The following RAD51B variants were observed in gnomAD, a reference collection of about 807,000 sequenced individuals.
RAD51B encodes RAD51 paralog B.
Under a neutral mutation model 42.2 loss-of-function variants are expected in RAD51B, and 38 were observed. The observed-to-expected ratio is 0.90, with a 90% CI of 0.70 to 1.18. The LOEUF (loss-of-function observed/expected upper bound fraction) is 1.18, where lower values mean the gene tolerates loss of function less well. Ranked by LOEUF, RAD51B falls within the 50% of genes most tolerant of loss-of-function variation. The probability of loss-of-function intolerance (pLI) is 0.00; values close to 1 mark genes in which losing one functional copy is unlikely to be tolerated. For synonymous variants in RAD51B, 154 were observed against 145.2 expected (o/e 1.06, Z -0.43); for missense variants, 373 against 400.7 (o/e 0.93, Z 0.59).
At chr14:68,532,981 A>C (rs1887405917) in intron 10 of RAD51B, among the ~76,000 whole-genome samples, 1 of 152,202 alleles carries the variant, frequency 6.6e-6, no homozygotes, top group South Asian at 2.1e-4. Context: ...CAACACACTC[A>C]ATGATAAAAC....
intron 7 of RAD51B, among the ~76,000 whole-genome samples, chr14:67,949,204 CTG>C (rs769084245): frequency 1.8e-4 from 28 of 152,136 alleles, no homozygotes; most frequent in Middle Eastern, 3.2e-3. Context: ...AAAGATTTCT[CTG>C]TAGCATATCA....
At chr14:68,038,952 T>C (rs2076176021) in intron 7 of RAD51B, among the ~76,000 whole-genome samples, 1 of 152,180 alleles carries the variant, frequency 6.6e-6, no homozygotes, top group African/African-American at 2.4e-5. Context: ...GTGTATACTA[T>C]TGTATATCTC....
intron 7 of RAD51B, among the ~76,000 whole-genome samples, chr14:68,060,588 T>G (rs138502661): frequency 6.6e-5 from 10 of 152,244 alleles, no homozygotes; most frequent in African/African-American, 2.4e-4. Flanking sequence ...TGTTATGAGC[T>G]GCTGAACAAG....
chr14:68,520,104 AAAACAAAC>A (rs58074457), intron 10 of RAD51B, among the ~76,000 whole-genome samples: 1 of 151,708 alleles, frequency 6.6e-6, no homozygotes, highest in African/African-American at 2.4e-5. Context: ...CAGCCAAAAC[AAAACAAAC>A]AAACAAACAA....
In RAD51B at chr14:68,146,804, A is replaced by G. The variant is rs947409343; in HGVS notation, c.757-145080A>G. ...TTTTTTTAAATTGTTTTTTCAGTAA[A>G]GGTGAAAGTATAGCAGTGTTGGGAG... On this transcript the variant is annotated intron_variant, in intron 7 of 10. Transcript: ENST00000471583. Among the ~76,000 whole-genome samples the G allele has an allele frequency of 2.6e-5, 4 of 152,096 alleles. No homozygotes were observed. The East Asian group carries it at 7.7e-4, about 29-fold the overall frequency.
chr14:68,372,166 T>C (rs1040466505), intron 8 of RAD51B, among the ~76,000 whole-genome samples: 4 of 152,144 alleles, frequency 2.6e-5, no homozygotes, highest in Admixed American at 1.3e-4. Context: ...GGACTGAGAA[T>C]TGACCCTTGG....
chr14:68,308,828 A>G (rs2081917626), intron 8 of RAD51B, among the ~76,000 whole-genome samples: 1 of 152,072 alleles, frequency 6.6e-6, no homozygotes, highest in Admixed American at 6.6e-5. Context: ...CAGCCTGAAC[A>G]ATGGAGCTTA....
At chr14:68,562,337 G>A in intron 10 of RAD51B, 1 of 985,420 alleles carries the variant, frequency 1.0e-6, no homozygotes, top group Non-Finnish European at 1.2e-6. Context: ...GATCTACAGG[G>A]TGAGACAGGG....
rs1383998039 is a variant in RAD51B, at chr14:68,542,113, T to G, written c.1037-52372T>G. Among the ~76,000 whole-genome samples, 4 of 152,342 alleles carry G rather than the reference T, an allele frequency of 2.6e-5. No homozygotes were observed. The East Asian group carries it at 7.7e-4, about 29-fold the overall frequency. ...GAAGTAAGCAATAGTTTAAAATGTC[T>G]TGTCAATTATGATGGCTTCATACTG... On this transcript the variant is annotated intron_variant, in intron 10 of 10. Transcript: ENST00000487270.
At chr14:68,074,634 G>T (rs1047779808) in intron 7 of RAD51B, among the ~76,000 whole-genome samples, 1 of 152,140 alleles carries the variant, frequency 6.6e-6, no homozygotes, top group Non-Finnish European at 1.5e-5. Context: ...TTCTTGCGTT[G>T]GTTCTTTCTC....
At chr14:67,976,426 G>GT (rs1021356543) in intron 7 of RAD51B, among the ~76,000 whole-genome samples, 6 of 151,182 alleles carry the variant, frequency 4.0e-5, no homozygotes, top group African/African-American at 2.4e-5. Context: ...CTCAACTCTA[G>GT]TTTTTTGTTT....
intron 7 of RAD51B, among the ~76,000 whole-genome samples, chr14:68,138,569 G>GTC (rs1286423600): frequency 6.6e-6 from 1 of 151,914 alleles, no homozygotes; most frequent in Non-Finnish European, 1.5e-5. Flanking sequence ...CTCTGTATCT[G>GTC]TCTCTCTCTC....
At chr14:68,272,230 A>G (rs1299367625) in intron 7 of RAD51B, among the ~76,000 whole-genome samples, 1 of 152,096 alleles carries the variant, frequency 6.6e-6, no homozygotes, top group African/African-American at 2.4e-5. Context: ...ATAATGTCTC[A>G]AGGGTTTCAT....
At chr14:68,419,399 T>C (rs2140102467) in intron 9 of RAD51B, among the ~76,000 whole-genome samples, 1 of 150,740 alleles carries the variant, frequency 6.6e-6, no homozygotes, top group Admixed American at 6.6e-5. Context: ...CTTTCAGTGG[T>C]TTATAAAGAG....
intron 7 of RAD51B, among the ~76,000 whole-genome samples, chr14:68,229,107 AC>A (rs1287970099): frequency 3.9e-5 from 6 of 152,364 alleles, no homozygotes; most frequent in Middle Eastern, 3.4e-3. Context: ...ATTAACAGGC[AC>A]CTTTGAGACC....
At chr14:68,530,468 A>AAG (rs1887225601) in intron 10 of RAD51B, among the ~76,000 whole-genome samples, 1 of 145,462 alleles carries the variant, frequency 6.9e-6, no homozygotes, top group Non-Finnish European at 1.5e-5. Flanking sequence ...AAAAAAAAAA[A>AAG]AGAGATAAAG....
chr14:68,356,798 G>A (rs536095711), intron 8 of RAD51B, among the ~76,000 whole-genome samples: 1 of 151,578 alleles, frequency 6.6e-6, no homozygotes, highest in East Asian at 1.9e-4. Context: ...CGGCTAAAAC[G>A]GTGAAACCCC....
chr14:67,987,738 ACTC>A (rs894589048), intron 7 of RAD51B, among the ~76,000 whole-genome samples: 4 of 152,196 alleles, frequency 2.6e-5, no homozygotes, highest in Non-Finnish European at 4.4e-5. Flanking sequence ...TAACTGAATA[ACTC>A]CTCATTACTC....
intron 7 of RAD51B, among the ~76,000 whole-genome samples, chr14:68,242,432 G>T (rs920739061): frequency 6.6e-6 from 1 of 152,208 alleles, no homozygotes; most frequent in African/African-American, 2.4e-5. Flanking sequence ...AAGGTAGAAA[G>T]TCTAGTTTTT....
Sources: gnomAD v4.1 joint callset for allele counts (sites outside exome capture counted in the v4.1 genomes callset) on GRCh38, gnomAD v4.1.1 for gene constraint, MANE v1.5 for transcripts, NCBI Gene and HGNC (gene_info 2026-07-23, HGNC 2026-07-21) for gene names.